The following CEP89 variants were observed in gnomAD, a reference collection of about 807,000 sequenced individuals.
CEP89 encodes the protein centrosomal protein of 89 kDa.
CEP89 carries 95 observed loss-of-function variants against 97.6 expected under a neutral mutation model. The ratio of observed to expected loss-of-function variants is 0.97; its 90% CI spans 0.82 to 1.15. The LOEUF (loss-of-function observed/expected upper bound fraction) is 1.15. Ranked by LOEUF, CEP89 falls within the 50% of genes most tolerant of loss-of-function variation. CEP89 has a pLI of 0.00. For synonymous variants in CEP89, 354 were observed against 349.1 expected, an observed-to-expected ratio of 1.01 and a Z score of -0.16; for missense variants, 869 against 947.7, an observed-to-expected ratio of 0.92 and a Z score of 1.09.
At chr19:32,955,072 C>A (rs1971018704) in intron 3 of CEP89, among the ~76,000 whole-genome samples, 1 of 152,010 alleles carries the variant, frequency 6.6e-6, no homozygotes, top group Admixed American at 6.6e-5. Context: ...GCAGCATCCA[C>A]CTCCCCAGCT....
chr19:32,886,572 C>A (rs1229203717), intron 17 of CEP89, among the ~76,000 whole-genome samples: 2 of 152,352 alleles, frequency 1.3e-5, no homozygotes, highest in African/African-American at 4.8e-5. Flanking sequence ...TTCATTCCCC[C>A]CGAGGCCCTG....
In CEP89 at chr19:32,878,417, C is replaced by T. The variant is rs1256213264; in HGVS notation, c.*745G>A. ...CAAGAAAAGGCCCCCAGAGCTCACGCACAGCTATCATCAGGGCCGGTGCCA... is the reference window on the plus strand; with the variant it reads ...CAAGAAAAGGCCCCCAGAGCTCACGTACAGCTATCATCAGGGCCGGTGCCA... On this transcript the variant is annotated 3_prime_UTR_variant, in exon 19 of 19. Coordinates refer to ENST00000305768, the MANE Select transcript of CEP89 (RefSeq NM_032816.5). 2 of 152,290 alleles carry T rather than the reference C, an allele frequency of 1.3e-5. No individual in the cohort carries two copies. Among genetic ancestry groups the T allele is most frequent in the Non-Finnish European group, 2.9e-5 (2 of 68,132 alleles). The allele number at this position is 152,290 out of a possible 1,614,324, so 9.4% of individuals were successfully genotyped here. A position where few individuals can be genotyped will look rare whatever the true frequency, so the allele number is the denominator to read the frequency against.
In CEP89 at chr19:32,910,253, G is replaced by A. The variant is rs189349945; in HGVS notation, c.1565+5084C>T. Among the ~76,000 whole-genome samples, 424 of 148,158 alleles carry A rather than the reference G, an allele frequency of 2.9e-3. 3 individuals are homozygous for A. The highest frequency in any genetic ancestry group is 9.8e-3 in the African/African-American group (396 of 40,450). On this transcript the variant is annotated intron_variant, in intron 14 of 18. Transcript: ENST00000305768. The stretch of plus-strand genomic sequence containing the variant: ...TATTCCAGCCCCTGGGTGACAGAGC[G>A]AGACTCTGCCTCAGAGAGAGAGAGA...
intron 12 of CEP89, among the ~76,000 whole-genome samples, chr19:32,922,618 T>G (rs1488939642): frequency 6.6e-6 from 1 of 151,874 alleles, no homozygotes; most frequent in East Asian, 1.9e-4. Context: ...GAGGCCAAGG[T>G]GGGCAGATCA....
At chr19:32,914,615 A>C (rs1970081046) in intron 14 of CEP89, among the ~76,000 whole-genome samples, 1 of 152,052 alleles carries the variant, frequency 6.6e-6, no homozygotes. Context: ...AAACTAACAC[A>C]GGCCAAAACA....
intron 9 of CEP89, among the ~76,000 whole-genome samples, chr19:32,929,188 T>A (rs1970420338): frequency 1.3e-5 from 2 of 152,210 alleles, no homozygotes; most frequent in Non-Finnish European, 2.9e-5. Context: ...AAGGATTCTA[T>A]GACCTAGTAA....
At chr19:32,971,696 G>T (rs2145985500) in intron 1 of CEP89, 140 bp downstream of exon 1, 1 of 764,160 alleles carries the variant, frequency 1.3e-6, no homozygotes, top group Non-Finnish European at 2.2e-6. Context: ...GAAAAATCAA[G>T]GCTTCCTCAA....
At chr19:32,961,786 G>C (rs1052155202) in intron 2 of CEP89, among the ~76,000 whole-genome samples, 1 of 151,750 alleles carries the variant, frequency 6.6e-6, no homozygotes, top group African/African-American at 2.4e-5. Context: ...TGGGACTATA[G>C]GCACACGCCA....
chr19:32,949,086 T>C (rs192946663), intron 4 of CEP89, among the ~76,000 whole-genome samples: 10 of 152,312 alleles, frequency 6.6e-5, no homozygotes, highest in Non-Finnish European at 1.3e-4. Context: ...AGGACTCTCA[T>C]TGAAGCCTCC....
chr19:32,962,611 T>C (rs1403631440), intron 2 of CEP89, among the ~76,000 whole-genome samples: 1 of 152,106 alleles, frequency 6.6e-6, no homozygotes, highest in Non-Finnish European at 1.5e-5. Flanking sequence ...AAAGAAAAAA[T>C]TGTAAGCTGG....
rs138507195 is a variant in CEP89 at position 32,896,029 on chromosome 19, T to C, written c.1875+3828A>G. On this transcript the variant is annotated intron_variant, in intron 16 of 18. Transcript: ENST00000305768. The stretch of plus-strand genomic sequence containing the variant: ...ATGCGAAGAATTAACATCATTAAAA[T>C]GACCAGACTCCCCAAAGCAATCAGC... Among the ~76,000 whole-genome samples the C allele has an allele frequency of 1.3e-3, 198 of 152,262 alleles. 2 individuals are homozygous for C. Among genetic ancestry groups the C allele is most frequent in the African/African-American group, 4.3e-3 (177 of 41,552 alleles).
chr19:32,917,806 G>A lies in CEP89; in HGVS notation c.1384+418C>T, dbSNP rs993442201. On this transcript the variant is annotated intron_variant, in intron 13 of 18. Coordinates refer to ENST00000305768, the MANE Select transcript of CEP89 (RefSeq NM_032816.5). ...TGCAGTGATGTCGCCTCCCAGGCCC[G>A]CAGCTCTGAAGGAAGGAAGGACACA... is the stretch of plus-strand genomic sequence containing the variant. 26 of 984,804 alleles carry A rather than the reference G, an allele frequency of 2.6e-5. 1 individual carries two copies. The South Asian group carries it at 8.5e-4, about 32-fold the overall frequency. The allele number at this position is 984,804 out of a possible 1,614,324, so 61.0% of individuals were successfully genotyped here. A position where few individuals can be genotyped will look rare whatever the true frequency, so the allele number is the denominator to read the frequency against.
chr19:32,948,879 C>T (rs1263183989), intron 4 of CEP89, among the ~76,000 whole-genome samples: 1 of 152,156 alleles, frequency 6.6e-6, no homozygotes, highest in African/African-American at 2.4e-5. Context: ...CGTGCACCAC[C>T]ACAACCAGGT....
intron 16 of CEP89, among the ~76,000 whole-genome samples, chr19:32,888,258 C>T (rs899804957): frequency 2.6e-5 from 4 of 152,118 alleles, no homozygotes; most frequent in African/African-American, 4.8e-5. Context: ...TGCACAATGC[C>T]GTTTCTCCAA....
Position 32,915,358 on chromosome 19 carries a change from G to T in CEP89, c.1544C>A (p.Ser515Ter). Residue 515 changes from serine to a stop codon, truncating the protein, a stop_gained, in exon 14 of 19, where the codon TCA (serine) becomes TAA (stop). Transcript: ENST00000305768. LOFTEE classifies it high-confidence loss of function. ...TTACCTTTTTAATTCATTCACAATT[G>T]ATTTATGAACTTCCACTGCGATTTT... Reference protein sequence around the residue: ...DGKIAVEVHKSIVNELKSQLQ... With the variant: ...DGKIAVEVHK 1.9e-6 allele frequency: 3 copies of T among 1,596,666 alleles called. No homozygotes were observed. Among genetic ancestry groups the T allele is most frequent in the Non-Finnish European group, 1.7e-6 (2 of 1,172,456 alleles).
At chr19:32,885,080 G>A (rs542060564) in intron 17 of CEP89, among the ~76,000 whole-genome samples, 1 of 152,190 alleles carries the variant, frequency 6.6e-6, no homozygotes, top group Non-Finnish European at 1.5e-5. Flanking sequence ...TGGTTTTTCA[G>A]CTTTAATGAT....
rs576584261 is a variant in CEP89 at position 32,941,864 on chromosome 19, C to T, written c.596-1979G>A. ...CTGTGGCTCTATCATCTCTGACACA[C>T]GGCTGGCACTGAACAAATTTCCAAT... On this transcript the variant is annotated intron_variant, in intron 5 of 18. Coordinates refer to ENST00000305768, the MANE Select transcript of CEP89 (RefSeq NM_032816.5). 5.3e-5 allele frequency among the ~76,000 whole-genome samples: 8 copies of T among 152,260 alleles called. No individual in the cohort carries two copies. In the South Asian group the frequency reaches 6.2e-4, roughly 12 times the overall value.
intron 14 of CEP89, among the ~76,000 whole-genome samples, chr19:32,913,857 T>C (rs1478085531): frequency 6.6e-6 from 1 of 152,058 alleles, no homozygotes; most frequent in Non-Finnish European, 1.5e-5. Context: ...CAGGCTGGTC[T>C]CAAACTCCCC....
chr19:32,958,336 G>A (rs1003593705), intron 3 of CEP89, among the ~76,000 whole-genome samples: 8 of 152,102 alleles, frequency 5.3e-5, no homozygotes, highest in Admixed American at 3.3e-4. Context: ...AAAATGTAAA[G>A]AAAAAATGGA....
Sources: gnomAD v4.1 joint callset for allele counts (sites outside exome capture counted in the v4.1 genomes callset) on GRCh38, gnomAD v4.1.1 for gene constraint, MANE v1.5 for transcripts, NCBI Gene and HGNC (gene_info 2026-07-23, HGNC 2026-07-21) for gene names.